CD86: variants seen among roughly 807,000 people sequenced by gnomAD.
CD86 encodes the protein T-lymphocyte activation antigen CD86.
Under a neutral mutation model 32.1 loss-of-function variants are expected in CD86, and 11 were observed. The observed-to-expected ratio is 0.34, with a 90% CI of 0.22 to 0.57. The LOEUF (loss-of-function observed/expected upper bound fraction) is 0.57. CD86 is among the 20% of genes least tolerant of loss of function. The pLI, the probability that CD86 is intolerant of heterozygous loss-of-function variation, is 0.86. For synonymous variants in CD86, 137 were observed against 135.3 expected, an observed-to-expected ratio of 1.01 and a Z score of -0.09; for missense variants, 359 against 398.4, an observed-to-expected ratio of 0.90 and a Z score of 0.84.
At chr3:122,118,483 C>G (rs973667655) in intron 6 of CD86, among the ~76,000 whole-genome samples, 3 of 152,324 alleles carry the variant, frequency 2.0e-5, no homozygotes, top group Admixed American at 2.0e-4. Context: ...TTTGCTTCAG[C>G]CTGAGCATCT....
At chr3:122,117,968 C>T in intron 5 of CD86, 80 bp from the exon 6 acceptor site, 5 of 1,195,766 alleles carry the variant, frequency 4.2e-6, no homozygotes, top group Non-Finnish European at 6.2e-6. Context: ...AGTCCCAGAA[C>T]TTTGAAGCCT....
intron 2 of CD86, among the ~76,000 whole-genome samples, chr3:122,098,176 G>A (rs761817069): frequency 3.0e-4 from 45 of 152,248 alleles, no homozygotes; most frequent in Non-Finnish European, 5.7e-4. Context: ...CAAACATACC[G>A]TGTCATGTCA....
chr3:122,083,719 C>A (rs535092065), intron 1 of CD86, among the ~76,000 whole-genome samples: 3 of 152,292 alleles, frequency 2.0e-5, no homozygotes, highest in African/African-American at 7.2e-5. Context: ...TTGGTAGCCA[C>A]TGGTTACCTG....
In CD86 at chr3:122,106,474, G is replaced by T. The variant is rs772981720; in HGVS notation, c.677G>T (p.Arg226Leu). The stretch of plus-strand genomic sequence containing the variant: ...TGTATTCTGGAAACTGACAAGACGC[G>T]GCTTTTATCTTCACCTTTCTCTATA... ...IFCILETDKT[R>L]LLSSPFSIEL... Residue 226 changes from arginine (R) to leucine (L), a missense_variant, in exon 4 of 7, where the codon CGG becomes CTG. Coordinates refer to ENST00000330540, the MANE Select transcript of CD86 (RefSeq NM_175862.5). 12 of 1,610,294 alleles carry T rather than the reference G, an allele frequency of 7.5e-6. No homozygotes were observed. Among genetic ancestry groups the T allele is most frequent in the Non-Finnish European group, 1.0e-5 (12 of 1,177,756 alleles).
chr3:122,092,208 T>A (rs1425939826), intron 2 of CD86: 1 of 152,474 alleles, frequency 6.6e-6, no homozygotes, highest in Non-Finnish European at 1.5e-5. Context: ...TTCAGCTAAT[T>A]GTGTCAGCTG....
chr3:122,094,140 C>T (rs1221020599), intron 2 of CD86, among the ~76,000 whole-genome samples: 1 of 152,200 alleles, frequency 6.6e-6, no homozygotes, highest in African/African-American at 2.4e-5. Context: ...CTCTCAAGAT[C>T]TGGGAGAGAA....
intron 1 of CD86, among the ~76,000 whole-genome samples, chr3:122,081,354 TA>T (rs1171624691): frequency 6.6e-6 from 1 of 152,246 alleles, no homozygotes; most frequent in Non-Finnish European, 1.5e-5. Context: ...AAAAAGGTTA[TA>T]CTTGATGTTA....
chr3:122,097,715 G>A lies in CD86; in HGVS notation c.65-5797G>A, dbSNP rs577552845. ...GAAAAGTACAAAGTACTGAGTTAGC[G>A]TGGGGAATAGTGTCTTTAGGGCTAG... is the stretch of plus-strand genomic sequence containing the variant. On this transcript the variant is annotated intron_variant, in intron 2 of 6. Coordinates refer to ENST00000330540, the MANE Select transcript of CD86 (RefSeq NM_175862.5). 9.9e-5 allele frequency among the ~76,000 whole-genome samples: 15 copies of A among 152,268 alleles called. 1 individual carries two copies. The East Asian group carries it at 1.4e-3, about 14-fold the overall frequency.
intron 1 of CD86, among the ~76,000 whole-genome samples, chr3:122,066,749 G>T (rs2072418341): frequency 6.6e-6 from 1 of 152,130 alleles, no homozygotes; most frequent in African/African-American, 2.4e-5. Context: ...CTGTTACTAT[G>T]CTAAGTACCA....
At chr3:122,084,673 T>A (rs2072687558) in intron 1 of CD86, among the ~76,000 whole-genome samples, 1 of 152,110 alleles carries the variant, frequency 6.6e-6, no homozygotes, top group African/African-American at 2.4e-5. Context: ...TAGTGGGACA[T>A]CTTACGTGGT....
chr3:122,080,307 G>T (rs139693560), intron 1 of CD86, among the ~76,000 whole-genome samples: 1 of 152,054 alleles, frequency 6.6e-6, no homozygotes, highest in African/African-American at 2.4e-5. Flanking sequence ...AAAAAAAATC[G>T]TTCTCAAATT....
intron 5 of CD86, among the ~76,000 whole-genome samples, chr3:122,111,974 C>T (rs774507206): frequency 3.3e-5 from 5 of 152,158 alleles, no homozygotes; most frequent in Admixed American, 6.5e-5. Flanking sequence ...AAAGGAAATG[C>T]CATAGTTATT....
At chr3:122,113,120 G>C (rs2073200183) in intron 5 of CD86, among the ~76,000 whole-genome samples, 1 of 152,126 alleles carries the variant, frequency 6.6e-6, no homozygotes, top group Admixed American at 6.5e-5. Flanking sequence ...CTCCATTCTT[G>C]AGTTACTTCA....
At chr3:122,065,661 G>C (rs1215304871) in intron 1 of CD86, among the ~76,000 whole-genome samples, 1 of 152,114 alleles carries the variant, frequency 6.6e-6, no homozygotes, top group African/African-American at 2.4e-5. Flanking sequence ...TAAGAGCTTT[G>C]GTCTGGAAAG....
In CD86 at chr3:122,059,902, T is replaced by C. The variant is rs549798158; in HGVS notation, c.14+4399T>C. 7.2e-5 allele frequency among the ~76,000 whole-genome samples: 11 copies of C among 152,230 alleles called. No homozygotes were observed. In the South Asian group the frequency reaches 2.3e-3, roughly 32 times the overall value. ...TGAAGACACAGGGCGAAGACGGCCATCCACATACAAGCCAGAGAGAAAGGC... is the reference window on the plus strand; with the variant it reads ...TGAAGACACAGGGCGAAGACGGCCACCCACATACAAGCCAGAGAGAAAGGC... On this transcript the variant is annotated intron_variant, in intron 1 of 6. Transcript: ENST00000330540.
At position 122,106,247 on chromosome 3, in the gene CD86, T is replaced by C. The variant is rs772555454; in HGVS notation, c.450T>C (p.Asn150=). ...EIVPISNITE[N]VYINLTCSSI... ...TACCAATTTCTAATATAACAGAAAA[T>C]GTGTACATAAATTTGACCTGCTCAT... Residue 150 remains asparagine (N), a synonymous_variant, in exon 4 of 7, where the codon AAT becomes AAC. Coordinates refer to ENST00000330540, the MANE Select transcript of CD86 (RefSeq NM_175862.5). 12 of 1,612,334 alleles carry C rather than the reference T, an allele frequency of 7.4e-6. 1 individual carries two copies. In the South Asian group the frequency reaches 1.3e-4, roughly 18 times the overall value.
chr3:122,103,457 T>G, intron 2 of CD86, 55 bp from the exon 3 acceptor site: 1 of 1,190,932 alleles, frequency 8.4e-7, no homozygotes, highest in East Asian at 2.3e-5. Flanking sequence ...GAAATGGAGG[T>G]TTTTTCCCCT....
chr3:122,106,099 C>T (rs2073087255), intron 3 of CD86, 99 bp from the exon 4 acceptor site: 4 of 876,100 alleles, frequency 4.6e-6, no homozygotes, highest in Non-Finnish European at 6.8e-6. Context: ...CCCAGGTGTG[C>T]CCCAATGAGC....
rs1358163345 is a variant in CD86 at position 122,106,148 on chromosome 3, G to T, written c.401-50G>T. The T allele has an allele frequency of 2.9e-6, 4 of 1,399,058 alleles. No individual in the cohort carries two copies. The Admixed American group carries it at 6.5e-5, about 23-fold the overall frequency. The allele number at this position is 1,399,058 out of a possible 1,614,324, so 86.7% of individuals were successfully genotyped here. ...CCCAGTTATTTGCTATTCCCTCCTA[G>T]ATACATCTAAACTTAGATTGATTTT... is the stretch of plus-strand genomic sequence containing the variant. On this transcript the variant is annotated intron_variant, in intron 3 of 6. Transcript: ENST00000330540.
Sources: allele counts gnomAD v4.1 joint callset (sites outside exome capture counted in the v4.1 genomes callset), GRCh38; gene constraint gnomAD v4.1.1; transcripts MANE v1.5; gene names NCBI Gene and HGNC (gene_info 2026-07-23, HGNC 2026-07-21).